Variants in GHR observed in about 807,000 individuals in gnomAD.
GHR encodes growth hormone receptor, also known as GH receptor.
GHR carries 35 observed loss-of-function variants against 67.1 expected under a neutral mutation model. The observed-to-expected ratio is 0.52, with a 90% CI of 0.40 to 0.69. GHR has a LOEUF of 0.69. GHR is among the 30% of genes least tolerant of loss of function. The pLI is 0.00. For synonymous variants in GHR, 272 were observed against 269.1 expected (o/e 1.01, Z -0.10); for missense variants, 792 against 764.6 (o/e 1.04, Z -0.42).
At chr5:42,696,194 A>G (rs967381857) in intron 5 of GHR, among the ~76,000 whole-genome samples, 2 of 152,234 alleles carry the variant, frequency 1.3e-5, no homozygotes, top group African/African-American at 4.8e-5. Context: ...TACCTGGCTG[A>G]CATGCCTGTC....
chr5:42,685,742 C>CT (rs1757107305), intron 3 of GHR, among the ~76,000 whole-genome samples: 1 of 152,112 alleles, frequency 6.6e-6, no homozygotes, highest in Non-Finnish European at 1.5e-5. Context: ...TAAATGTCTT[C>CT]TTTTGAGAAG....
intron 3 of GHR, among the ~76,000 whole-genome samples, chr5:42,660,283 T>G (rs911876184): frequency 5.7e-4 from 87 of 152,132 alleles, no homozygotes; most frequent in Non-Finnish European, 1.1e-3. Flanking sequence ...CAGCTGGAGA[T>G]CTGAGAACAG....
chr5:42,497,221 C>A (rs1336960907), intron 1 of GHR, among the ~76,000 whole-genome samples: 3 of 152,204 alleles, frequency 2.0e-5, no homozygotes, highest in Non-Finnish European at 2.9e-5. Context: ...ACTTATTTAT[C>A]TTAACCTTTT....
rs116272263 is a variant in GHR at position 42,489,993 on chromosome 5, G to C, written c.-12+66038G>C. Among the ~76,000 whole-genome samples the C allele has an allele frequency of 8.3e-3, 1,262 of 151,962 alleles. 16 individuals carry two copies. Among genetic ancestry groups the C allele is most frequent in the African/African-American group, 0.029 (1,194 of 41,440 alleles). The stretch of plus-strand genomic sequence containing the variant: ...TAGATTCTAAAAGAAAATATAGCAA[G>C]AACATTTTCATAAGAGATATCTCAC... On this transcript the variant is annotated intron_variant, in intron 1 of 9. Coordinates refer to ENST00000230882, the MANE Select transcript of GHR (RefSeq NM_000163.5).
chr5:42,515,703 T>C (rs181197202), intron 1 of GHR, among the ~76,000 whole-genome samples: 133 of 152,360 alleles, frequency 8.7e-4, no homozygotes, highest in Non-Finnish European at 1.7e-3. Context: ...TTCTCAGCTG[T>C]AGCTGTTTAT....
intron 3 of GHR, among the ~76,000 whole-genome samples, chr5:42,679,428 C>A (rs112619874): frequency 0.048 from 7,328 of 151,432 alleles, 238 homozygotes; most frequent in Middle Eastern, 0.13. Context: ...AGATTGAGAC[C>A]ATCCTGGCCA....
intron 3 of GHR, among the ~76,000 whole-genome samples, chr5:42,666,614 T>A (rs970161069): frequency 1.3e-5 from 2 of 152,176 alleles, no homozygotes; most frequent in Admixed American, 1.3e-4. Flanking sequence ...ACTAGCCACA[T>A]TTCAAGTGCT....
intron 4 of GHR, among the ~76,000 whole-genome samples, chr5:42,692,634 C>T (rs1444359676): frequency 6.6e-6 from 1 of 152,128 alleles, no homozygotes; most frequent in Admixed American, 6.5e-5. Context: ...AAAATAAATG[C>T]TCTGTTTGTC....
At chr5:42,714,980 G>T in intron 8 of GHR, 1 of 289,674 alleles carries the variant, frequency 3.5e-6, no homozygotes, top group Non-Finnish European at 6.7e-6. Flanking sequence ...AATTTGTTAT[G>T]TTGTTTAGTT....
intron 6 of GHR, among the ~76,000 whole-genome samples, chr5:42,700,518 T>C (rs1757883604): frequency 6.6e-6 from 1 of 152,210 alleles, no homozygotes; most frequent in African/African-American, 2.4e-5. Context: ...GAGATTCTTA[T>C]GTAGGCAATT....
chr5:42,704,580 T>A (rs906024586), intron 6 of GHR, among the ~76,000 whole-genome samples: 1 of 152,066 alleles, frequency 6.6e-6, no homozygotes, highest in African/African-American at 2.4e-5. Flanking sequence ...AATAGTTTGG[T>A]AGTATCCCCT....
At chr5:42,524,672 C>A (rs988553984) in intron 1 of GHR, among the ~76,000 whole-genome samples, 1 of 152,162 alleles carries the variant, frequency 6.6e-6, no homozygotes, top group Non-Finnish European at 1.5e-5. Context: ...ATGTCGGAGA[C>A]CTTCATGGCA....
intron 1 of GHR, among the ~76,000 whole-genome samples, chr5:42,463,894 GA>G (rs1376675573): frequency 6.8e-6 from 1 of 147,236 alleles, no homozygotes; most frequent in Admixed American, 6.8e-5. Flanking sequence ...TTGGGAGGCT[GA>G]GGCAGGAGAA....
rs144765278 is a variant in GHR at position 42,563,754 on chromosome 5, G to A, written c.-11-2110G>A. On this transcript the variant is annotated intron_variant, in intron 1 of 9. Coordinates refer to ENST00000230882, the MANE Select transcript of GHR (RefSeq NM_000163.5). ...ACCTGGGAGGCGGAAGTTGCAGTGAGCTGAGATCGTGCCACTGCACTCCAG... is the reference window on the plus strand; with the variant it reads ...ACCTGGGAGGCGGAAGTTGCAGTGAACTGAGATCGTGCCACTGCACTCCAG... Among the ~76,000 whole-genome samples, 1,862 of 152,128 alleles carry A rather than the reference G, an allele frequency of 0.012. 82 individuals are homozygous for A. The East Asian group carries it at 0.15, about 12-fold the overall frequency.
chr5:42,655,523 G>A (rs1390305406), intron 3 of GHR, among the ~76,000 whole-genome samples: 5 of 152,062 alleles, frequency 3.3e-5, no homozygotes, highest in East Asian at 1.9e-4. Flanking sequence ...CATGTATGAC[G>A]GGGTTATGCT....
chr5:42,659,631 C>T (rs191419751), intron 3 of GHR, among the ~76,000 whole-genome samples: 18 of 152,142 alleles, frequency 1.2e-4, no homozygotes, highest in Admixed American at 4.6e-4. Context: ...AAGTTCTCTT[C>T]GATGGCCAAA....
intron 8 of GHR, 143 bp downstream of exon 8, chr5:42,713,662 A>G (rs1758581775): frequency 1.6e-6 from 1 of 641,948 alleles, no homozygotes; most frequent in Non-Finnish European, 2.8e-6. Flanking sequence ...CTCCAGTTAT[A>G]TATTTACCAT....
In GHR at chr5:42,424,772, C is replaced by T. The variant is rs1202099034; in HGVS notation, c.-12+817C>T. 6.6e-6 allele frequency among the ~76,000 whole-genome samples: 1 copy of T among 152,172 alleles called. No homozygotes were observed. The highest frequency in any genetic ancestry group is 2.4e-5 in the African/African-American group (1 of 41,468). On this transcript the variant is annotated intron_variant, in intron 1 of 9. Transcript: ENST00000230882. The surrounding 1 kb of genome is among the most constrained non-coding windows in gnomAD (Gnocchi z 4.1). ...CAGAGGGTGCGGGGCAGGGCACTTG[C>T]GAGTGCGTGGGGAAGTCTATTTGGG...
At chr5:42,582,308 T>A (rs957240095) in intron 2 of GHR, among the ~76,000 whole-genome samples, 1 of 152,238 alleles carries the variant, frequency 6.6e-6, no homozygotes, top group Non-Finnish European at 1.5e-5. Flanking sequence ...GTGGAGTCCT[T>A]GGCTGGGAGT....
Sources: allele counts gnomAD v4.1 joint callset (sites outside exome capture counted in the v4.1 genomes callset), GRCh38; gene constraint gnomAD v4.1.1; non-coding constraint Gnocchi (gnomAD v3.1); transcripts MANE v1.5; gene names NCBI Gene and HGNC (gene_info 2026-07-23, HGNC 2026-07-21).